The following MIR2052HG variants were observed in gnomAD, a reference collection of about 807,000 sequenced individuals.
The protein encoded by MIR2052HG is MIR2052 host gene.
At chr8:74,663,972 G>A (rs767483190) in intron 2 of MIR2052HG, among the ~76,000 whole-genome samples, 2 of 151,716 alleles carry the variant, frequency 1.3e-5, no homozygotes, top group Admixed American at 6.6e-5. Flanking sequence ...AGAAAGAAAC[G>A]ATCCTCCAGT....
intron 2 of MIR2052HG, among the ~76,000 whole-genome samples, chr8:74,630,390 T>G (rs965989122): frequency 6.6e-6 from 1 of 151,934 alleles, no homozygotes; most frequent in Non-Finnish European, 1.5e-5. Context: ...TATTTGCAAA[T>G]GTCCATTTTT....
chr8:74,740,875 T>C (rs1809818188), intron 4 of MIR2052HG, among the ~76,000 whole-genome samples: 1 of 151,300 alleles, frequency 6.6e-6, no homozygotes, highest in Admixed American at 6.6e-5. Context: ...TTACAAAAAC[T>C]CTTCTCTCTA....
intron 2 of MIR2052HG, among the ~76,000 whole-genome samples, chr8:74,617,456 GGTGTGTGT>G (rs61474557): frequency 0.13 from 18,478 of 147,164 alleles, 1,382 homozygotes; most frequent in African/African-American, 0.22. Context: ...TATTCCATTG[GGTGTGTGT>G]GTGTGTGTGT....
At chr8:74,629,144 T>C (rs1052403616) in intron 2 of MIR2052HG, among the ~76,000 whole-genome samples, 2 of 152,200 alleles carry the variant, frequency 1.3e-5, no homozygotes, top group East Asian at 3.9e-4. Flanking sequence ...CATTAAAATA[T>C]CACATAAACG....
intron 4 of MIR2052HG, among the ~76,000 whole-genome samples, chr8:74,710,439 G>C (rs1308481266): frequency 6.6e-6 from 1 of 152,146 alleles, no homozygotes; most frequent in Non-Finnish European, 1.5e-5. Context: ...TGATGTGATT[G>C]TGCTTAGGGA....
chr8:74,636,160 T>C (rs535877491), intron 2 of MIR2052HG, among the ~76,000 whole-genome samples: 8 of 152,270 alleles, frequency 5.3e-5, no homozygotes, highest in South Asian at 4.1e-4. Flanking sequence ...CCGAAAATAA[T>C]TGGAGTAATT....
chr8:74,747,165 G>T (rs754379465), intron 4 of MIR2052HG, among the ~76,000 whole-genome samples: 1 of 152,118 alleles, frequency 6.6e-6, no homozygotes, highest in Non-Finnish European at 1.5e-5. Flanking sequence ...GTGTGTTTGT[G>T]TACAAATCCT....
At chr8:74,744,425 C>G (rs529361147) in intron 4 of MIR2052HG, among the ~76,000 whole-genome samples, 2 of 151,900 alleles carry the variant, frequency 1.3e-5, no homozygotes, top group Non-Finnish European at 2.9e-5. Context: ...GCTGCACCCA[C>G]TAACTCGTCA....
intron 2 of MIR2052HG, among the ~76,000 whole-genome samples, chr8:74,700,400 G>A (rs1480898247): frequency 6.6e-6 from 1 of 152,110 alleles, no homozygotes; most frequent in Non-Finnish European, 1.5e-5. Context: ...TTGCCTTGTA[G>A]AAGTTTAACA....
At chr8:74,746,175 A>T (rs942824756) in intron 4 of MIR2052HG, among the ~76,000 whole-genome samples, 2 of 152,202 alleles carry the variant, frequency 1.3e-5, no homozygotes, top group African/African-American at 2.4e-5. Flanking sequence ...CACGACCTTT[A>T]TGTCAAACAT....
chr8:74,757,545 G>T (rs1041931477), intron 5 of MIR2052HG: 1 of 152,186 alleles, frequency 6.6e-6, no homozygotes, highest in Non-Finnish European at 1.5e-5. Flanking sequence ...CACAATAACC[G>T]AATGAGGCAG....
chr8:74,709,626 T>G (rs1809447064), intron 4 of MIR2052HG, among the ~76,000 whole-genome samples: 1 of 152,142 alleles, frequency 6.6e-6, no homozygotes, highest in Non-Finnish European at 1.5e-5. Context: ...TTAGCTCAAA[T>G]TTTCTTATTT....
At chr8:74,743,290 G>C (rs908076564) in intron 4 of MIR2052HG, among the ~76,000 whole-genome samples, 2 of 152,122 alleles carry the variant, frequency 1.3e-5, no homozygotes, top group East Asian at 1.9e-4. Context: ...TAGATAAGCT[G>C]TTTAATGTTA....
chr8:74,692,261 T>A (rs1285484927), intron 2 of MIR2052HG, among the ~76,000 whole-genome samples: 1 of 152,202 alleles, frequency 6.6e-6, no homozygotes, highest in Non-Finnish European at 1.5e-5. Flanking sequence ...TGACTAATTT[T>A]TATATTTTTA....
rs537502182 is a variant in MIR2052HG at position 74,752,445 on chromosome 8, G to A, written n.376G>A. 343 of 441,410 alleles carry A rather than the reference G, an allele frequency of 7.8e-4. 4 individuals carry two copies. Among genetic ancestry groups the A allele is most frequent in the Admixed American group, 5.9e-3 (240 of 41,006 alleles). 27.3% of individuals were successfully genotyped at this position (441,410 alleles called of 1,614,324 possible). A position where few individuals can be genotyped will look rare whatever the true frequency, so the allele number is the denominator to read the frequency against. On this transcript the variant is annotated non_coding_transcript_exon_variant, in exon 5 of 7. Coordinates refer to ENST00000523442, the Ensembl canonical transcript of MIR2052HG. ...TCTGTGAATTTCATGCACTAGGCCCGCGTTCAGTCCAGCCACCAGATCAAC... is the reference window on the plus strand; with the variant it reads ...TCTGTGAATTTCATGCACTAGGCCCACGTTCAGTCCAGCCACCAGATCAAC...
intron 2 of MIR2052HG, among the ~76,000 whole-genome samples, chr8:74,619,786 AAACTT>A (rs1294343026): frequency 3.3e-5 from 5 of 152,144 alleles, no homozygotes; most frequent in Non-Finnish European, 7.3e-5. Context: ...TGGGGACACA[AAACTT>A]AACTATATCT....
intron 5 of MIR2052HG, among the ~76,000 whole-genome samples, chr8:74,752,984 A>AT (rs1809963185): frequency 6.6e-6 from 1 of 152,240 alleles, no homozygotes; most frequent in South Asian, 2.1e-4. Context: ...AAGAGTTGCC[A>AT]TGTTGCACTG....
At chr8:74,698,648 A>C (rs1809325925) in intron 2 of MIR2052HG, among the ~76,000 whole-genome samples, 1 of 152,204 alleles carries the variant, frequency 6.6e-6, no homozygotes, top group African/African-American at 2.4e-5. Flanking sequence ...AAGGAACTCA[A>C]ACAAATCAGC....
intron 4 of MIR2052HG, among the ~76,000 whole-genome samples, chr8:74,737,001 CGCCTAAGTAACAAAAG>C (rs1446111145): frequency 6.6e-6 from 1 of 152,188 alleles, no homozygotes; most frequent in African/African-American, 2.4e-5. Context: ...TGACTTTCCA[CGCCTAAGTAACAAAAG>C]GACCAGAGGC....
Sources: gnomAD v4.1 joint callset for allele counts (sites outside exome capture counted in the v4.1 genomes callset) on GRCh38, gnomAD v4.1.1 for gene constraint, MANE v1.5 for transcripts, NCBI Gene and HGNC (gene_info 2026-07-23, HGNC 2026-07-21) for gene names.